SEPTIN2: variants seen among roughly 807,000 people sequenced by gnomAD.
SEPTIN2 encodes the protein septin 2, also known as septin-2.
A neutral mutation model predicts 46.5 loss-of-function variants in SEPTIN2; 34 were observed. That is an observed-to-expected ratio of 0.73 (90% CI 0.56 to 0.97). The LOEUF is 0.97. Among genes scored for constraint, SEPTIN2 ranks in the 50% least tolerant of loss-of-function variants. The pLI, the probability that SEPTIN2 is intolerant of heterozygous loss-of-function variation, is 0.00. For missense variants in SEPTIN2, 347 were observed against 448.4 expected (o/e 0.77, Z 2.04); for synonymous variants, 175 against 153.4 (o/e 1.14, Z -1.04).
rs191639364 is a variant in SEPTIN2, at chr2:241,343,448, G to T, written c.697-304G>T. ...CAGGAGGCAGAGGTTGCAGTGAGCCGAGATCGCGCCTCTGCACTCTAGCCT... is the reference window on the plus strand; with the variant it reads ...CAGGAGGCAGAGGTTGCAGTGAGCCTAGATCGCGCCTCTGCACTCTAGCCT... On this transcript the variant is annotated intron_variant, in intron 8 of 12. Transcript: ENST00000391971. 4.6e-5 allele frequency among the ~76,000 whole-genome samples: 7 copies of T among 151,852 alleles called. No homozygotes were observed. In the East Asian group the frequency reaches 1.4e-3, roughly 29 times the overall value.
At chr2:241,349,837 T>C (rs2060626848) in intron 11 of SEPTIN2, among the ~76,000 whole-genome samples, 2 of 152,190 alleles carry the variant, frequency 1.3e-5, no homozygotes, top group Non-Finnish European at 2.9e-5. Flanking sequence ...ATTTATCATA[T>C]TGTCTTATCT....
At chr2:241,340,537 G>T (rs1464744261) in intron 7 of SEPTIN2, among the ~76,000 whole-genome samples, 1 of 152,122 alleles carries the variant, frequency 6.6e-6, no homozygotes, top group East Asian at 1.9e-4. Flanking sequence ...CCCTGGAAGC[G>T]TAGACGTTTT....
At chr2:241,320,743 C>T (rs1478663862) in intron 1 of SEPTIN2, among the ~76,000 whole-genome samples, 3 of 152,076 alleles carry the variant, frequency 2.0e-5, no homozygotes, top group Non-Finnish European at 2.9e-5. Flanking sequence ...GAGCTGAGAT[C>T]GCGCCAGTGC....
chr2:241,316,600 C>G (rs753176712), intron 1 of SEPTIN2: 2 of 1,365,632 alleles, frequency 1.5e-6, no homozygotes, highest in South Asian at 1.5e-5. Flanking sequence ...TGGAGGCCGC[C>G]GAGTTGGCCC....
At chr2:241,318,163 T>C (rs886420012) in intron 1 of SEPTIN2, 1 of 151,734 alleles carries the variant, frequency 6.6e-6, no homozygotes, top group Non-Finnish European at 1.5e-5. Flanking sequence ...AGGAGAAACT[T>C]GGTAAAGTCA....
chr2:241,352,824 A>ATTT lies in SEPTIN2; in HGVS notation c.*892_*894dup, dbSNP rs964539982. The ATTT allele has an allele frequency of 1.3e-5, 2 of 152,198 alleles. No individual in the cohort carries two copies. Among genetic ancestry groups the ATTT allele is most frequent in the African/African-American group, 4.8e-5 (2 of 41,448 alleles). The allele number at this position is 152,198 out of a possible 1,614,324, so 9.4% of individuals were successfully genotyped here. ...TGGTTTTTACTCAACCAAATTAAAA[A>ATTT]TTTTTTTAAGGAAAATTAGCAGTTG... On this transcript the variant is annotated 3_prime_UTR_variant, in exon 13 of 13. Coordinates refer to ENST00000391971, the MANE Select transcript of SEPTIN2 (RefSeq NM_004404.5).
At chr2:241,338,841 A>ATTT (rs1559643556) in intron 7 of SEPTIN2, among the ~76,000 whole-genome samples, 32 of 94,086 alleles carry the variant, frequency 3.4e-4, no homozygotes, top group South Asian at 5.2e-4. Flanking sequence ...TATATATAAT[A>ATTT]AATATATAAT....
chr2:241,343,012 ACAT>A lies in SEPTIN2; in HGVS notation c.616_618del (p.His206del). 1 of 1,606,070 alleles carries A rather than the reference ACAT, an allele frequency of 6.2e-7. No individual in the cohort carries two copies. The highest frequency in any genetic ancestry group is 1.1e-5 in the South Asian group (1 of 90,318). On this transcript the variant is annotated inframe_deletion, in exon 8 of 13. Coordinates refer to ENST00000391971, the MANE Select transcript of SEPTIN2 (RefSeq NM_004404.5). ...CTCAGATTCTGGATGAAATTGAAGAACATAACATCAAAATCTATCACTTACCTG... is the reference window on the plus strand; with the variant it reads ...CTCAGATTCTGGATGAAATTGAAGAAAACATCAAAATCTATCACTTACCTG...
intron 7 of SEPTIN2, among the ~76,000 whole-genome samples, chr2:241,339,381 A>T (rs1167729956): frequency 2.6e-5 from 4 of 152,018 alleles, no homozygotes; most frequent in African/African-American, 9.7e-5. Context: ...TCAAGAAAAA[A>T]AAAAAAGAAT....
intron 7 of SEPTIN2, among the ~76,000 whole-genome samples, chr2:241,338,831 T>TATATATTATATTTATATTATTTATATATA (rs1264517417): frequency 5.0e-5 from 5 of 99,348 alleles, no homozygotes; most frequent in African/African-American, 1.9e-4. Flanking sequence ...TTATATATAA[T>TATATATTATATTTATATTATTTATATATA]ATATATAATA....
intron 3 of SEPTIN2, among the ~76,000 whole-genome samples, chr2:241,327,548 G>C (rs6753106): frequency 0.92 from 138,504 of 150,670 alleles, 63,887 homozygotes; most frequent in East Asian, 1. Context: ...TGGGAATTGT[G>C]CAATTTTCAG....
intron 3 of SEPTIN2, among the ~76,000 whole-genome samples, chr2:241,332,945 T>C (rs2079241762): frequency 1.3e-5 from 2 of 152,178 alleles, no homozygotes; most frequent in South Asian, 4.1e-4. Flanking sequence ...TAGATTGGTG[T>C]TTGCCTGCGG....
intron 1 of SEPTIN2, among the ~76,000 whole-genome samples, chr2:241,321,166 T>C (rs1231222946): frequency 2.6e-5 from 4 of 152,222 alleles, no homozygotes; most frequent in Admixed American, 1.3e-4. Flanking sequence ...CTAAATCAGA[T>C]GTATTTGTTG....
In SEPTIN2 at chr2:241,336,108, C is replaced by G. The variant is rs747699317; in HGVS notation, c.341+10C>G. Reference sequence around the variant, plus strand: ...TCAACTGCAGAGATTGGTATGCTCCCCCATGCCCAGGGATCTGCATTTGTT... The same window carrying G: ...TCAACTGCAGAGATTGGTATGCTCCGCCATGCCCAGGGATCTGCATTTGTT... On this transcript the variant is annotated intron_variant, in intron 5 of 12. Coordinates refer to ENST00000391971, the MANE Select transcript of SEPTIN2 (RefSeq NM_004404.5). 6 of 1,612,906 alleles carry G rather than the reference C, an allele frequency of 3.7e-6. No homozygotes were observed. In the Admixed American group the frequency reaches 6.7e-5, roughly 18 times the overall value.
chr2:241,338,957 T>C (rs1332194783), intron 7 of SEPTIN2, among the ~76,000 whole-genome samples: 1 of 100,816 alleles, frequency 9.9e-6, no homozygotes, highest in African/African-American at 3.8e-5. Context: ...ATATATATAA[T>C]ATATATTATA....
intron 1 of SEPTIN2, among the ~76,000 whole-genome samples, chr2:241,318,625 T>G (rs553605251): frequency 6.6e-6 from 1 of 152,226 alleles, no homozygotes; most frequent in Non-Finnish European, 1.5e-5. Context: ...GTACTTGACT[T>G]ACTTGAGATC....
intron 1 of SEPTIN2, among the ~76,000 whole-genome samples, chr2:241,318,501 ATGATT>A (rs2076698651): frequency 6.6e-6 from 1 of 152,186 alleles, no homozygotes; most frequent in African/African-American, 2.4e-5. Context: ...GAAAATAAAA[ATGATT>A]TGATTTATGT....
At chr2:241,336,314 C>A in intron 5 of SEPTIN2, 1 of 549,286 alleles carries the variant, frequency 1.8e-6, no homozygotes, top group Non-Finnish European at 3.2e-6. Context: ...GATCGCAAAG[C>A]CAGTCATCCA....
intron 2 of SEPTIN2, chr2:241,325,172 A>G (rs1011854707): frequency 6.6e-6 from 1 of 152,172 alleles, no homozygotes; most frequent in Admixed American, 6.5e-5. Context: ...CTATACATTT[A>G]CAAAATGTAA....
Sources: gnomAD v4.1 joint callset for allele counts (sites outside exome capture counted in the v4.1 genomes callset) on GRCh38, gnomAD v4.1.1 for gene constraint, MANE v1.5 for transcripts, NCBI Gene and HGNC (gene_info 2026-07-23, HGNC 2026-07-21) for gene names.